The following RCAN2 variants were observed in gnomAD, a reference collection of about 807,000 sequenced individuals.
The protein encoded by RCAN2 is regulator of calcineurin 2, also known as calcipressin-2.
In RCAN2, 9 loss-of-function variants were observed where a neutral mutation model predicts 23.6. The observed-to-expected ratio is 0.38, with a 90% CI of 0.23 to 0.67. The LOEUF is 0.67. Among genes scored for constraint, RCAN2 ranks in the 30% least tolerant of loss-of-function variants. The pLI is 0.51. For missense variants in RCAN2, 273 were observed against 302.3 expected (o/e 0.90, Z 0.72); for synonymous variants, 109 against 115.7 (o/e 0.94, Z 0.37).
intron 2 of RCAN2, among the ~76,000 whole-genome samples, chr6:46,345,659 T>G (rs988023266): frequency 6.6e-6 from 1 of 152,146 alleles, no homozygotes; most frequent in Non-Finnish European, 1.5e-5. Context: ...ATTATTTGCC[T>G]TTTTTACTCC....
chr6:46,442,440 G>A (rs1371331858), intron 2 of RCAN2, among the ~76,000 whole-genome samples: 1 of 152,140 alleles, frequency 6.6e-6, no homozygotes, highest in Non-Finnish European at 1.5e-5. Flanking sequence ...CATCAGCCTA[G>A]AGGGCAAGAC....
At chr6:46,349,710 T>C (rs143723741) in intron 2 of RCAN2, among the ~76,000 whole-genome samples, 2 of 152,120 alleles carry the variant, frequency 1.3e-5, no homozygotes, top group East Asian at 1.9e-4. Context: ...TCAAAGAAAA[T>C]CTCAGATTCT....
chr6:46,337,307 G>A lies in RCAN2; in HGVS notation c.226-88411C>T, dbSNP rs552737086. Among the ~76,000 whole-genome samples the A allele has an allele frequency of 5.1e-3, 783 of 152,296 alleles. 5 individuals carry two copies. Among genetic ancestry groups the A allele is most frequent in the Non-Finnish European group, 8.3e-3 (562 of 68,014 alleles). ...GTTCTGAGTAGTCAAAACTCTAGAA[G>A]CAGATTCCTTTTCACTGCTTTTCTT... On this transcript the variant is annotated intron_variant, in intron 2 of 4. Transcript: ENST00000371374.
At chr6:46,230,080 C>A (rs1337750079) in intron 4 of RCAN2, among the ~76,000 whole-genome samples, 2 of 152,222 alleles carry the variant, frequency 1.3e-5, no homozygotes, top group Admixed American at 1.3e-4. Flanking sequence ...CCAGCGGAGG[C>A]TGCAGAACAA....
chr6:46,280,711 T>G (rs1028436578), intron 2 of RCAN2, among the ~76,000 whole-genome samples: 3 of 152,232 alleles, frequency 2.0e-5, no homozygotes, highest in African/African-American at 7.2e-5. Context: ...GAGAAGTTCA[T>G]TCATCATAAC....
intron 4 of RCAN2, among the ~76,000 whole-genome samples, chr6:46,236,916 C>A (rs1766120620): frequency 6.6e-6 from 1 of 152,180 alleles, no homozygotes. Flanking sequence ...TGAAATAGAT[C>A]TTTAATTATA....
intron 1 of RCAN2, among the ~76,000 whole-genome samples, chr6:46,466,101 C>A (rs1768372611): frequency 6.6e-6 from 1 of 152,164 alleles, no homozygotes; most frequent in Non-Finnish European, 1.5e-5. Flanking sequence ...AGAAGACCAT[C>A]CTCTCATGAT....
intron 1 of RCAN2, among the ~76,000 whole-genome samples, chr6:46,478,643 C>T (rs186559662): frequency 6.6e-6 from 1 of 152,144 alleles, no homozygotes; most frequent in Admixed American, 6.5e-5. Context: ...CAAAGTCTTA[C>T]TGGAAATTCG....
At chr6:46,333,508 T>C (rs1764049458) in intron 2 of RCAN2, among the ~76,000 whole-genome samples, 2 of 152,258 alleles carry the variant, frequency 1.3e-5, no homozygotes, top group African/African-American at 2.4e-5. Context: ...ATTTTGTTAC[T>C]GTATCTTTGG....
chr6:46,405,020 CG>C (rs1766357356), intron 2 of RCAN2, among the ~76,000 whole-genome samples: 1 of 152,192 alleles, frequency 6.6e-6, no homozygotes, highest in East Asian at 1.9e-4. Context: ...TATCTTATAA[CG>C]GGTTGGGGAA....
At chr6:46,453,600 A>G (rs1198807333) in intron 2 of RCAN2, among the ~76,000 whole-genome samples, 1 of 152,246 alleles carries the variant, frequency 6.6e-6, no homozygotes, top group East Asian at 1.9e-4. Context: ...AAAGTGATAC[A>G]GAAATAAACA....
intron 2 of RCAN2, among the ~76,000 whole-genome samples, chr6:46,402,798 A>C (rs1222483316): frequency 6.6e-6 from 1 of 152,036 alleles, no homozygotes; most frequent in Non-Finnish European, 1.5e-5. Flanking sequence ...AGTTTCCCCC[A>C]TATCTTTGGG....
chr6:46,230,968 C>T (rs146979751), intron 4 of RCAN2, among the ~76,000 whole-genome samples: 7 of 152,290 alleles, frequency 4.6e-5, no homozygotes, highest in East Asian at 3.9e-4. Context: ...CAATAAATAT[C>T]GAAGCCCTTC....
intron 2 of RCAN2, among the ~76,000 whole-genome samples, chr6:46,253,399 C>T (rs1377212574): frequency 6.6e-6 from 1 of 152,142 alleles, no homozygotes; most frequent in Non-Finnish European, 1.5e-5. Context: ...CTATACTTTG[C>T]CTGTCAGTTG....
At chr6:46,473,115 T>A (rs185794462) in intron 1 of RCAN2, among the ~76,000 whole-genome samples, 2 of 152,348 alleles carry the variant, frequency 1.3e-5, no homozygotes, top group East Asian at 1.9e-4. Context: ...TGATTAGTTA[T>A]ATGCATGTAT....
At chr6:46,247,988 G>C (rs554556487) in intron 3 of RCAN2, among the ~76,000 whole-genome samples, 1 of 152,324 alleles carries the variant, frequency 6.6e-6, no homozygotes, top group South Asian at 2.1e-4. Flanking sequence ...ATTTGAACAT[G>C]GATGCAGGGC....
chr6:46,392,235 A>C (rs979199511), intron 2 of RCAN2, among the ~76,000 whole-genome samples: 9 of 152,208 alleles, frequency 5.9e-5, no homozygotes, highest in Non-Finnish European at 1.2e-4. Context: ...GAGGAACGCC[A>C]GCAAGGGCTT....
chr6:46,251,226 G>A (rs920443966), intron 2 of RCAN2, among the ~76,000 whole-genome samples: 6 of 152,096 alleles, frequency 3.9e-5, no homozygotes, highest in African/African-American at 1.4e-4. Flanking sequence ...CAGACTCAGG[G>A]CTTCAGCTAC....
intron 2 of RCAN2, among the ~76,000 whole-genome samples, chr6:46,439,115 A>G (rs1767455369): frequency 6.6e-6 from 1 of 152,224 alleles, no homozygotes; most frequent in African/African-American, 2.4e-5. Context: ...ATACTTGGAG[A>G]CAGGATTTTC....
Sources: gnomAD v4.1 joint callset for allele counts (sites outside exome capture counted in the v4.1 genomes callset) on GRCh38, gnomAD v4.1.1 for gene constraint, MANE v1.5 for transcripts, NCBI Gene and HGNC (gene_info 2026-07-23, HGNC 2026-07-21) for gene names.